DYRK2: variants seen among roughly 807,000 people sequenced by gnomAD.
The protein encoded by DYRK2 is dual specificity tyrosine-phosphorylation-regulated kinase 2.
Under a neutral mutation model 41.6 loss-of-function variants are expected in DYRK2, and 12 were observed. The ratio of observed to expected loss-of-function variants is 0.29; its 90% CI spans 0.18 to 0.47. DYRK2 has a LOEUF of 0.47. Among genes scored for constraint, DYRK2 ranks in the 20% least tolerant of loss-of-function variants. The pLI is 1.00. For synonymous variants in DYRK2, 322 were observed against 315.7 expected (o/e 1.02, Z -0.21); for missense variants, 678 against 798.4 (o/e 0.85, Z 1.82).
Position 67,659,827 on chromosome 12 carries a change from C to A in DYRK2, c.*1114C>A, listed in dbSNP as rs1002054721. On this transcript the variant is annotated 3_prime_UTR_variant, in exon 3 of 3. Transcript: ENST00000344096. ...GAAAATCCTCTGGACGAACAGAAGT[C>A]ACTTTGGCTGTTCAGTAAGGCCAAT... 8 of 167,190 alleles carry A rather than the reference C, an allele frequency of 4.8e-5. No individual in the cohort carries two copies. The highest frequency in any genetic ancestry group is 1.9e-4 in the African/African-American group (8 of 41,586). 10.4% of individuals were successfully genotyped at this position (167,190 alleles called of 1,614,324 possible). A position where few individuals can be genotyped will look rare whatever the true frequency, so the allele number is the denominator to read the frequency against.
Position 67,658,003 on chromosome 12 carries a change from G to A in DYRK2, c.1096G>A (p.Val366Ile). The stretch of plus-strand genomic sequence containing the variant: ...GCAGCAGGGTAGAAGCGGTATTAAA[G>A]TAATTGATTTTGGCTCCAGTTGTTA... The part of the protein sequence containing the change: ...LKQQGRSGIK[V>I]IDFGSSCYEH... Residue 366 changes from valine (V) to isoleucine (I), a missense_variant, in exon 3 of 3, where the codon GTA becomes ATA. Physicochemically the swap from Val to Ile is conservative, Grantham distance 29 (BLOSUM62 3). Around this residue, in one of 2 missense-constraint regions of DYRK2, gnomAD observed 393 missense variants for 519.1 expected, o/e 0.76. Transcript: ENST00000344096. The surrounding 1 kb of genome is among the most constrained non-coding windows in gnomAD (Gnocchi z 4.3). 6.2e-7 allele frequency: 1 copy of A among 1,614,240 alleles called. No homozygotes were observed. The highest frequency in any genetic ancestry group is 1.1e-5 in the South Asian group (1 of 91,082).
Position 67,660,139 on chromosome 12 carries a change from G to GA in DYRK2, c.*1433dup, listed in dbSNP as rs869151098. ...GATCTATATCAATTTCAAGGCACGT[G>GA]AAAAAAATTTTTTAGTATGTGCAAT... is the stretch of plus-strand genomic sequence containing the variant. On this transcript the variant is annotated 3_prime_UTR_variant, in exon 3 of 3. Coordinates refer to ENST00000344096, the MANE Select transcript of DYRK2 (RefSeq NM_006482.3). The GA allele has an allele frequency of 1.2e-5, 2 of 166,902 alleles. No individual in the cohort carries two copies. The highest frequency in any genetic ancestry group is 2.9e-5 in the Non-Finnish European group (2 of 68,062). 10.3% of individuals were successfully genotyped at this position (166,902 alleles called of 1,614,324 possible). A position where few individuals can be genotyped will look rare whatever the true frequency, so the allele number is the denominator to read the frequency against.
Position 67,663,632 on chromosome 12 carries a change from AGT to A in DYRK2, c.*4922_*4923del, listed in dbSNP as rs1228045454. On this transcript the variant is annotated 3_prime_UTR_variant, in exon 3 of 3. Transcript: ENST00000344096. The stretch of plus-strand genomic sequence containing the variant: ...AAAATCCAATATATTTAGAAATGTA[AGT>A]GTTAAGAGATGTGCATTATGTACAA... 6.6e-6 allele frequency: 1 copy of A among 152,184 alleles called. No individual in the cohort carries two copies. Among genetic ancestry groups the A allele is most frequent in the African/African-American group, 2.4e-5 (1 of 41,444 alleles). 9.4% of individuals were successfully genotyped at this position (152,184 alleles called of 1,614,324 possible).
chr12:67,649,183 G>A lies in DYRK2; in HGVS notation c.49+1G>A. ...GCCGCTCCCGCCGCCTACCCGACCG[G>A]TAAGGAGGCCGTGCCGCCGCGCCGC... is the stretch of plus-strand genomic sequence containing the variant. On this transcript the variant is annotated splice_donor_variant, in intron 1 of 2. Transcript: ENST00000344096. LOFTEE classifies it high-confidence loss of function. 1 of 1,504,120 alleles carries A rather than the reference G, an allele frequency of 6.6e-7. No homozygotes were observed. The highest frequency in any genetic ancestry group is 8.9e-7 in the Non-Finnish European group (1 of 1,121,222). The allele number at this position is 1,504,120 out of a possible 1,614,324, so 93.2% of individuals were successfully genotyped here.
chr12:67,657,919 G>A lies in DYRK2; in HGVS notation c.1012G>A (p.Ala338Thr), dbSNP rs776105144. 6.2e-7 allele frequency: 1 copy of A among 1,614,230 alleles called. No homozygotes were observed. The highest frequency in any genetic ancestry group is 8.5e-7 in the Non-Finnish European group (1 of 1,180,048). Residue 338 changes from alanine (A) to threonine (T), a missense_variant, in exon 3 of 3, where the codon GCT becomes ACT. Physicochemically the swap from Ala to Thr is moderately conservative, Grantham distance 58. This residue lies in a region of DYRK2 where 393 missense variants were observed against 519.1 expected (regional missense o/e 0.76). Coordinates refer to ENST00000344096, the MANE Select transcript of DYRK2 (RefSeq NM_006482.3). This position sits in a 1 kb window ranked among gnomAD's most constrained non-coding sequence, Gnocchi z 4.8. ...FAHSILQCLDALHKNRIIHCD... is the reference protein window; with the variant it reads ...FAHSILQCLDTLHKNRIIHCD... The stretch of plus-strand genomic sequence containing the variant: ...CCACTCGATTCTGCAGTGCTTGGAT[G>A]CTTTGCACAAAAACAGAATAATTCA...
At chr12:67,649,335 A>C (rs982838734) in intron 1 of DYRK2, among the ~76,000 whole-genome samples, 153 bp downstream of exon 1, 1 of 151,012 alleles carries the variant, frequency 6.6e-6, no homozygotes, top group Non-Finnish European at 1.5e-5. Flanking sequence ...CCCGGGCTCC[A>C]TGCAGGGTTG....
chr12:67,653,270 G>A (rs1872375307), intron 2 of DYRK2, among the ~76,000 whole-genome samples: 1 of 152,148 alleles, frequency 6.6e-6, no homozygotes, highest in African/African-American at 2.4e-5. Context: ...CTTGACATAC[G>A]TATTCTGGAA....
chr12:67,648,986 T>C lies in DYRK2; in HGVS notation c.-148T>C, dbSNP rs1872217043. On this transcript the variant is annotated 5_prime_UTR_variant, in exon 1 of 3. Transcript: ENST00000344096. ...GAGGGGATGCAGTGGACTGTGTGTG[T>C]CTGGCTGTAGCAGACGCGAGGCGGC... is the stretch of plus-strand genomic sequence containing the variant. 5.3e-6 allele frequency: 3 copies of C among 563,890 alleles called. No homozygotes were observed. Among genetic ancestry groups the C allele is most frequent in the Non-Finnish European group, 8.4e-6 (3 of 356,598 alleles). 34.9% of individuals were successfully genotyped at this position (563,890 alleles called of 1,614,324 possible).
In DYRK2 at chr12:67,661,681, C is replaced by G. The variant is rs1220804882; in HGVS notation, c.*2968C>G. ...CCTTAATAGAAACCATAAGGCATGA[C>G]TCATCTTCAGGCACTGAAAAAAGAT... On this transcript the variant is annotated 3_prime_UTR_variant, in exon 3 of 3. Coordinates refer to ENST00000344096, the MANE Select transcript of DYRK2 (RefSeq NM_006482.3). The G allele has an allele frequency of 6.0e-6, 1 of 166,944 alleles. No individual in the cohort carries two copies. Among genetic ancestry groups the G allele is most frequent in the Non-Finnish European group, 1.5e-5 (1 of 68,092 alleles). The allele number at this position is 166,944 out of a possible 1,614,324, so 10.3% of individuals were successfully genotyped here.
intron 1 of DYRK2, 26 bp downstream of exon 1, chr12:67,649,208 C>T: frequency 8.1e-6 from 12 of 1,477,064 alleles, no homozygotes; most frequent in Non-Finnish European, 9.0e-6. Flanking sequence ...CGCCGCGCCG[C>T]ATCCCCGGAC....
intron 2 of DYRK2, among the ~76,000 whole-genome samples, chr12:67,653,739 G>C (rs1872390733): frequency 6.6e-6 from 1 of 152,110 alleles, no homozygotes; most frequent in Non-Finnish European, 1.5e-5. Flanking sequence ...AGGATCTATT[G>C]GCATGTGTTC....
intron 2 of DYRK2, 45 bp downstream of exon 2, chr12:67,649,990 G>C: frequency 7.7e-7 from 1 of 1,297,878 alleles, no homozygotes; most frequent in South Asian, 2.4e-5. Context: ...GGGCGGGAGG[G>C]GCCCCAGGCC....
intron 2 of DYRK2, chr12:67,652,428 C>G (rs1489549626): frequency 3.3e-5 from 5 of 151,896 alleles, no homozygotes; most frequent in South Asian, 2.1e-4. Context: ...TAAAATAATT[C>G]AAATTGAAAT....
In DYRK2 at chr12:67,663,743, C is replaced by T. The variant is rs1271263060; in HGVS notation, c.*5030C>T. The stretch of plus-strand genomic sequence containing the variant: ...CTGACTGACTCAGGAGATTATAGTT[C>T]CTACTCATTCTCTTTCCTTTTATCA... On this transcript the variant is annotated 3_prime_UTR_variant, in exon 3 of 3. Coordinates refer to ENST00000344096, the MANE Select transcript of DYRK2 (RefSeq NM_006482.3). 6.6e-6 allele frequency: 1 copy of T among 152,110 alleles called. No homozygotes were observed. Among genetic ancestry groups the T allele is most frequent in the African/African-American group, 2.4e-5 (1 of 41,428 alleles). 9.4% of individuals were successfully genotyped at this position (152,110 alleles called of 1,614,324 possible).
At chr12:67,651,969 C>T (rs1300301478) in intron 2 of DYRK2, among the ~76,000 whole-genome samples, 2 of 151,918 alleles carry the variant, frequency 1.3e-5, no homozygotes, top group African/African-American at 4.8e-5. Flanking sequence ...TCCATATTCC[C>T]ATATGTCTGT....
At position 67,663,901 on chromosome 12, in the gene DYRK2, T is replaced by A. The variant is rs1872684288; in HGVS notation, c.*5188T>A. 6.6e-6 allele frequency: 1 copy of A among 152,168 alleles called. No homozygotes were observed. The allele number at this position is 152,168 out of a possible 1,614,324, so 9.4% of individuals were successfully genotyped here. A position where few individuals can be genotyped will look rare whatever the true frequency, so the allele number is the denominator to read the frequency against. On this transcript the variant is annotated 3_prime_UTR_variant, in exon 3 of 3. Coordinates refer to ENST00000344096, the MANE Select transcript of DYRK2 (RefSeq NM_006482.3). ...ACTTCGAAGTTGTCTTCAAACTAGCTCTAGAAAATGTCCCTAGTTGACATT... is the reference window on the plus strand; with the variant it reads ...ACTTCGAAGTTGTCTTCAAACTAGCACTAGAAAATGTCCCTAGTTGACATT...
rs1047112428 is a variant in DYRK2, at chr12:67,649,155, G to A, written c.22G>A (p.Ala8Thr). Residue 8 changes from alanine to threonine, a missense_variant, in exon 1 of 3, where the codon GCC becomes ACC. Coordinates refer to ENST00000344096, the MANE Select transcript of DYRK2 (RefSeq NM_006482.3). Reference sequence around the variant, plus strand: ...GGCCATGTTAACCAGGAAACCTTCGGCCGCCGCTCCCGCCGCCTACCCGAC... The same window carrying A: ...GGCCATGTTAACCAGGAAACCTTCGACCGCCGCTCCCGCCGCCTACCCGAC... MLTRKPS[A>T]AAPAAYPTGR... The A allele has an allele frequency of 3.3e-6, 5 of 1,511,302 alleles. No homozygotes were observed. In the African/African-American group the frequency reaches 5.8e-5, roughly 17 times the overall value. The allele number at this position is 1,511,302 out of a possible 1,614,324, so 93.6% of individuals were successfully genotyped here.
At position 67,648,769 on chromosome 12, in the gene DYRK2, C is replaced by A. The variant is rs1163958572; in HGVS notation, c.-365C>A. 5.3e-5 allele frequency: 8 copies of A among 150,578 alleles called. No homozygotes were observed. The East Asian group carries it at 1.6e-3, about 30-fold the overall frequency. The allele number at this position is 150,578 out of a possible 1,614,324, so 9.3% of individuals were successfully genotyped here. A position where few individuals can be genotyped will look rare whatever the true frequency, so the allele number is the denominator to read the frequency against. On this transcript the variant is annotated 5_prime_UTR_variant, in exon 1 of 3. Transcript: ENST00000344096. The stretch of plus-strand genomic sequence containing the variant: ...CGCGCGCGGGCCCGGGAGAGGCTCC[C>A]GAGCCAGGCGGTCTTCGGTCCTCGC...
At position 67,659,820 on chromosome 12, in the gene DYRK2, CA is replaced by C. The variant is rs1872576636; in HGVS notation, c.*1108del. The C allele has an allele frequency of 6.0e-6, 1 of 167,036 alleles. No homozygotes were observed. The highest frequency in any genetic ancestry group is 1.5e-5 in the Non-Finnish European group (1 of 68,112). The allele number at this position is 167,036 out of a possible 1,614,324, so 10.3% of individuals were successfully genotyped here. On this transcript the variant is annotated 3_prime_UTR_variant, in exon 3 of 3. Coordinates refer to ENST00000344096, the MANE Select transcript of DYRK2 (RefSeq NM_006482.3). Reference sequence around the variant, plus strand: ...GAGGGTTGAAAATCCTCTGGACGAACAGAAGTCACTTTGGCTGTTCAGTAAG... The same window carrying C: ...GAGGGTTGAAAATCCTCTGGACGAACGAAGTCACTTTGGCTGTTCAGTAAG...
Sources: gnomAD v4.1 joint callset for allele counts (sites outside exome capture counted in the v4.1 genomes callset) on GRCh38, gnomAD v4.1.1 for gene constraint, gnomAD v4.1.1 regional missense constraint, Gnocchi (gnomAD v3.1) non-coding constraint, MANE v1.5 for transcripts, NCBI Gene and HGNC (gene_info 2026-07-23, HGNC 2026-07-21) for gene names.